NOS1: variants seen among roughly 807,000 people sequenced by gnomAD.
The protein encoded by NOS1 is NOS type I.
A neutral mutation model predicts 164.5 loss-of-function variants in NOS1; 51 were observed. That is an observed-to-expected ratio of 0.31 (90% CI 0.25 to 0.39). NOS1 has a LOEUF of 0.39. Among genes scored for constraint, NOS1 ranks in the 10% least tolerant of loss-of-function variants. The pLI, the probability that NOS1 is intolerant of heterozygous loss-of-function variation, is 1.00. For synonymous variants in NOS1, 719 were observed against 745.8 expected (o/e 0.96, Z 0.59); for missense variants, 1,362 against 1,885.6 (o/e 0.72, Z 5.14).
At chr12:117,225,288 G>C in intron 24 of NOS1, 151 bp from the exon 25 acceptor site, 3 of 1,017,920 alleles carry the variant, frequency 2.9e-6, no homozygotes, top group Non-Finnish European at 4.2e-6. Context: ...TTCCAGGGTG[G>C]GAGTCTCATC....
rs559810333 is a variant in NOS1, at chr12:117,331,485, A to G, written c.-416T>C. On this transcript the variant is annotated 5_prime_UTR_variant, in exon 2 of 29. It removes an upstream start codon present in the reference 5' UTR. Coordinates refer to ENST00000317775, the MANE Select transcript of NOS1 (RefSeq NM_000620.5). ...AGATGCGGATCAGATCTGAGGCATC[A>G]TGAGCTGAAGAGGAAGAACAGGAGG... is the stretch of plus-strand genomic sequence containing the variant. The G allele has an allele frequency of 1.2e-5, 2 of 169,260 alleles. No homozygotes were observed. The highest frequency in any genetic ancestry group is 4.7e-5 in the African/African-American group (2 of 42,238). The allele number at this position is 169,260 out of a possible 1,614,324, so 10.5% of individuals were successfully genotyped here.
intron 9 of NOS1, among the ~76,000 whole-genome samples, chr12:117,276,223 T>C (rs1432506646): frequency 6.6e-6 from 1 of 152,230 alleles, no homozygotes; most frequent in Non-Finnish European, 1.5e-5. Flanking sequence ...CATACAATTA[T>C]GTTATTATTG....
At chr12:117,295,615 CTTT>C (rs33913257) in intron 3 of NOS1, among the ~76,000 whole-genome samples, 3 of 105,094 alleles carry the variant, frequency 2.9e-5, no homozygotes, top group East Asian at 2.8e-4. Flanking sequence ...CCTGATCATT[CTTT>C]TTTTTTTTTT....
chr12:117,222,711 T>A lies in NOS1; in HGVS notation c.3975+4A>T. ...GGGCTAGGGGGTGGGCTGCTGGGGG[T>A]TACCTTTGGTTTGTCTGGCTCCCGG... On this transcript the variant is annotated splice_donor_region_variant and intron_variant, in intron 26 of 28. Transcript: ENST00000317775. The A allele has an allele frequency of 3.1e-6, 5 of 1,613,332 alleles. No individual in the cohort carries two copies. Among genetic ancestry groups the A allele is most frequent in the Non-Finnish European group, 4.2e-6 (5 of 1,179,708 alleles).
chr12:117,249,264 G>A (rs1185188517), intron 17 of NOS1, among the ~76,000 whole-genome samples: 1 of 152,158 alleles, frequency 6.6e-6, no homozygotes, highest in East Asian at 1.9e-4. Context: ...AAGGGCACTT[G>A]AAACCTAAGG....
intron 8 of NOS1, among the ~76,000 whole-genome samples, chr12:117,279,248 G>A (rs1277858220): frequency 5.3e-5 from 8 of 151,886 alleles, no homozygotes; most frequent in Non-Finnish European, 1.0e-4. Context: ...GTGGTGGTGC[G>A]CATCTGTAGT....
At position 117,212,241 on chromosome 12, in the gene NOS1, T is replaced by C; in HGVS notation, c.*3068A>G. 1 of 985,372 alleles carries C rather than the reference T, an allele frequency of 1.0e-6. No homozygotes were observed. The highest frequency in any genetic ancestry group is 1.2e-6 in the Non-Finnish European group (1 of 829,924). 61.0% of individuals were successfully genotyped at this position (985,372 alleles called of 1,614,324 possible). ...GTAACTGGGCATTTCGTGGGCATTG[T>C]CTCATTCAATCCACCTTGTTATACA... On this transcript the variant is annotated 3_prime_UTR_variant, in exon 29 of 29. Coordinates refer to ENST00000317775, the MANE Select transcript of NOS1 (RefSeq NM_000620.5).
rs976559135 is a variant in NOS1, at chr12:117,227,556, G to A, written c.3491C>T (p.Pro1164Leu). The part of the protein sequence containing the change: ...VLEEFPSIQM[P>L]ATLLLTQLSL... ...CAGCTGGGTCAGGAGCAGGGTGGCC[G>A]GCATCTGGATAGATGGGAACTCCTC... is the stretch of plus-strand genomic sequence containing the variant. Residue 1164 changes from proline to leucine, a missense_variant, in exon 23 of 29, where the codon CCG becomes CTG. By Grantham distance (98) the Pro-to-Leu change is moderately conservative. Around this residue, in one of 4 missense-constraint regions of NOS1, gnomAD observed 737 missense variants for 1,030.3 expected, o/e 0.72. Transcript: ENST00000317775. 1.5e-5 allele frequency: 24 copies of A among 1,613,196 alleles called. No homozygotes were observed. The highest frequency in any genetic ancestry group is 2.2e-5 in the East Asian group (1 of 44,882).
chr12:117,311,694 A>C, intron 2 of NOS1, 102 bp from the exon 3 acceptor site: 462 of 1,248,160 alleles, frequency 3.7e-4, no homozygotes, highest in Middle Eastern at 8.7e-4. Context: ...TCAGTAGCTC[A>C]CTCACATAAC....
At chr12:117,258,349 A>G in intron 16 of NOS1, 48 bp downstream of exon 16, 1 of 1,595,984 alleles carries the variant, frequency 6.3e-7, no homozygotes, top group Non-Finnish European at 8.6e-7. Flanking sequence ...GTCAATGTCC[A>G]GTTACCCTCG....
At chr12:117,231,895 T>A in intron 22 of NOS1, 67 bp downstream of exon 22, 1 of 1,496,414 alleles carries the variant, frequency 6.7e-7, no homozygotes, top group Non-Finnish European at 9.1e-7. Flanking sequence ...TAATAACAGT[T>A]TTCAACTCTT....
chr12:117,331,665 G>C (rs1371831922), intron 1 of NOS1, among the ~76,000 whole-genome samples, 176 bp from the exon 2 acceptor site: 1 of 152,158 alleles, frequency 6.6e-6, no homozygotes, highest in South Asian at 2.1e-4. Context: ...CCTGGAGGGG[G>C]CACCTTTCAA....
chr12:117,256,119 G>T, intron 16 of NOS1: 1 of 684,032 alleles, frequency 1.5e-6, no homozygotes, highest in Non-Finnish European at 2.3e-6. Flanking sequence ...TCTAGGATGG[G>T]GTGGGAAGGA....
intron 16 of NOS1, among the ~76,000 whole-genome samples, chr12:117,254,084 C>A (rs1253070977): frequency 2.0e-5 from 3 of 152,074 alleles, no homozygotes; most frequent in African/African-American, 7.2e-5. Flanking sequence ...AACCATGAGA[C>A]CATGCTCCCT....
chr12:117,305,341 G>T (rs1388131330), intron 3 of NOS1, among the ~76,000 whole-genome samples: 3 of 152,098 alleles, frequency 2.0e-5, no homozygotes, highest in African/African-American at 7.2e-5. Flanking sequence ...GTGGGCGCCT[G>T]TAGTCCCAGC....
chr12:117,290,249 T>G, intron 4 of NOS1, 49 bp downstream of exon 4: 1 of 1,605,438 alleles, frequency 6.2e-7, no homozygotes, highest in South Asian at 1.1e-5. Flanking sequence ...CAAATGTGGA[T>G]AGTGATGAAG....
intron 28 of NOS1, among the ~76,000 whole-genome samples, chr12:117,215,579 C>T (rs928635807): frequency 6.6e-6 from 1 of 151,946 alleles, no homozygotes; most frequent in African/African-American, 2.4e-5. Context: ...ATTACAGGTG[C>T]CTGCCACCAC....
rs950710535 is a variant in NOS1 at position 117,209,879 on chromosome 12, G to A, written c.*5430C>T. On this transcript the variant is annotated 3_prime_UTR_variant, in exon 29 of 29. Coordinates refer to ENST00000317775, the MANE Select transcript of NOS1 (RefSeq NM_000620.5). ...GGTTGGCCTCCAAAGTCAAATCCCT[G>A]TTCATGGGGAACATCTATGTTGACT... 44 of 985,388 alleles carry A rather than the reference G, an allele frequency of 4.5e-5. No individual in the cohort carries two copies. Among genetic ancestry groups the A allele is most frequent in the Non-Finnish European group, 5.1e-5 (42 of 829,974 alleles). 61.0% of individuals were successfully genotyped at this position (985,388 alleles called of 1,614,324 possible).
intron 17 of NOS1, among the ~76,000 whole-genome samples, chr12:117,251,825 A>G (rs1871123838): frequency 6.6e-6 from 1 of 151,856 alleles, no homozygotes; most frequent in Non-Finnish European, 1.5e-5. Context: ...TCTGCCTCCC[A>G]GGCTCAAGCG....
Sources: gnomAD v4.1 joint callset for allele counts (sites outside exome capture counted in the v4.1 genomes callset) on GRCh38, gnomAD v4.1.1 for gene constraint, gnomAD v4.1.1 regional missense constraint, MANE v1.5 for transcripts, NCBI Gene and HGNC (gene_info 2026-07-23, HGNC 2026-07-21) for gene names.